The following RYR2 variants were observed in gnomAD, a reference collection of about 807,000 sequenced individuals.
The protein encoded by RYR2 is cardiac muscle ryanodine receptor-calcium release channel.
RYR2 carries 227 observed loss-of-function variants against 601.1 expected under a neutral mutation model. The ratio of observed to expected loss-of-function variants is 0.38; its 90% confidence interval spans 0.34 to 0.42. RYR2 has a LOEUF of 0.42. RYR2 is among the 10% of genes least tolerant of loss of function. The probability of loss-of-function intolerance (pLI) is 1.00; values close to 1 mark genes in which losing one functional copy is unlikely to be tolerated. For synonymous variants in RYR2, 2,223 were observed against 2,175.1 expected (o/e 1.02, Z -0.61); for missense variants, 4,646 against 6,156.5 (o/e 0.75, Z 8.21).
chr1:237,602,907 G>A (rs572149526), intron 35 of RYR2, among the ~76,000 whole-genome samples: 6 of 152,290 alleles, frequency 3.9e-5, no homozygotes, highest in African/African-American at 1.4e-4. Context: ...GCAATGAGGT[G>A]TCAATAATTT....
At chr1:237,384,306 G>T (rs1427007875) in intron 8 of RYR2, among the ~76,000 whole-genome samples, 4 of 152,168 alleles carry the variant, frequency 2.6e-5, no homozygotes, top group Non-Finnish European at 4.4e-5. Context: ...TTTTATTACT[G>T]CTGTAAACTC....
intron 100 of RYR2, among the ~76,000 whole-genome samples, chr1:237,813,598 C>T (rs961647906): frequency 6.6e-6 from 1 of 152,142 alleles, no homozygotes; most frequent in African/African-American, 2.4e-5. Flanking sequence ...ATTTCCATTA[C>T]TTTTGTTAAT....
intron 56 of RYR2, among the ~76,000 whole-genome samples, chr1:237,661,359 T>TCCCTG (rs1683774126): frequency 6.6e-6 from 1 of 151,774 alleles, no homozygotes; most frequent in South Asian, 2.1e-4. Context: ...AGTGGGGGGC[T>TCCCTG]AGGGGAGGGA....
At chr1:237,519,640 A>G (rs1335657253) in intron 24 of RYR2, among the ~76,000 whole-genome samples, 1 of 152,032 alleles carries the variant, frequency 6.6e-6, no homozygotes, top group Non-Finnish European at 1.5e-5. Flanking sequence ...CCATTGATCT[A>G]TTCATCTGTT....
intron 99 of RYR2, among the ~76,000 whole-genome samples, chr1:237,808,298 A>G (rs1368596878): frequency 6.6e-6 from 1 of 152,224 alleles, no homozygotes; most frequent in Non-Finnish European, 1.5e-5. Context: ...ATTTAAAAAT[A>G]ATTTACAGTC....
At position 237,106,166 on chromosome 1, in the gene RYR2, A is replaced by T. The variant is rs1290040806; in HGVS notation, c.48+63597A>T. Among the ~76,000 whole-genome samples the T allele has an allele frequency of 6.6e-6, 1 of 152,112 alleles. No homozygotes were observed. The highest frequency in any genetic ancestry group is 2.4e-5 in the African/African-American group (1 of 41,414). On this transcript the variant is annotated intron_variant, in intron 1 of 104. Transcript: ENST00000366574. The surrounding 1 kb of genome is among the most constrained non-coding windows in gnomAD (Gnocchi z 4.4). ...ATATGGGAGTCATTGCAATCCTTTG[A>T]GCTGAGGGGTAGCTCGTTCTGATTT...
chr1:237,474,853 G>A (rs1661227268), intron 17 of RYR2, among the ~76,000 whole-genome samples: 1 of 152,162 alleles, frequency 6.6e-6, no homozygotes, highest in Non-Finnish European at 1.5e-5. Flanking sequence ...AGTGGTCGAT[G>A]GCATGGAACT....
At chr1:237,486,751 A>G (rs1205003598) in intron 17 of RYR2, among the ~76,000 whole-genome samples, 1 of 152,180 alleles carries the variant, frequency 6.6e-6, no homozygotes, top group Non-Finnish European at 1.5e-5. Context: ...CTCATTTCAC[A>G]GAATTTATGA....
intron 24 of RYR2, among the ~76,000 whole-genome samples, chr1:237,515,551 G>A (rs1296778526): frequency 6.6e-6 from 1 of 152,032 alleles, no homozygotes; most frequent in African/African-American, 2.4e-5. Flanking sequence ...CTGATAAGGG[G>A]AGAGGTGGAA....
At chr1:237,276,066 T>A (rs1367812383) in intron 2 of RYR2, among the ~76,000 whole-genome samples, 1 of 152,206 alleles carries the variant, frequency 6.6e-6, no homozygotes, top group Non-Finnish European at 1.5e-5. Flanking sequence ...GTTATCAGAA[T>A]AAAATCTATA....
At chr1:237,484,494 T>C (rs74847205) in intron 17 of RYR2, among the ~76,000 whole-genome samples, 6,515 of 152,266 alleles carry the variant, frequency 0.043, 178 homozygotes, top group Non-Finnish European at 0.054. Context: ...GCTACCAGTC[T>C]AATTCCATTC....
intron 2 of RYR2, among the ~76,000 whole-genome samples, chr1:237,273,488 G>A (rs562390561): frequency 3.9e-5 from 6 of 152,286 alleles, no homozygotes; most frequent in African/African-American, 9.6e-5. Flanking sequence ...ACTGTGGCAC[G>A]AGGAATGGTG....
At chr1:237,588,864 C>T (rs1674829744) in intron 29 of RYR2, among the ~76,000 whole-genome samples, 1 of 149,408 alleles carries the variant, frequency 6.7e-6, no homozygotes, top group African/African-American at 2.5e-5. Flanking sequence ...AACACCCATC[C>T]CTGAAGAATA....
intron 1 of RYR2, among the ~76,000 whole-genome samples, chr1:237,140,764 TGACTTA>T (rs1198968366): frequency 1.3e-5 from 2 of 152,216 alleles, no homozygotes; most frequent in African/African-American, 4.8e-5. Flanking sequence ...CAGGTGTCTT[TGACTTA>T]CCTTGGACCA....
chr1:237,652,713 T>G (rs2148811679), intron 51 of RYR2, among the ~76,000 whole-genome samples: 1 of 152,346 alleles, frequency 6.6e-6, no homozygotes, highest in Non-Finnish European at 1.5e-5. Context: ...TGCAAAATTT[T>G]TTGATACAAA....
chr1:237,099,531 C>T (rs1048020192), intron 1 of RYR2, among the ~76,000 whole-genome samples: 13 of 152,134 alleles, frequency 8.5e-5, no homozygotes, highest in Admixed American at 8.5e-4. Flanking sequence ...AGCCACTGTA[C>T]CCAGCCTCTC....
At chr1:237,422,972 A>G in intron 11 of RYR2, 120 bp from the exon 12 acceptor site, 1 of 1,147,402 alleles carries the variant, frequency 8.7e-7, no homozygotes, top group South Asian at 1.9e-5. Flanking sequence ...CTAATATCCT[A>G]AGTTTTTTGA....
chr1:237,709,775 GC>G (rs755988631), intron 70 of RYR2, among the ~76,000 whole-genome samples: 15 of 151,968 alleles, frequency 9.9e-5, no homozygotes, highest in Non-Finnish European at 1.9e-4. Context: ...TTTTAAATTT[GC>G]CCCTAAATTT....
intron 2 of RYR2, among the ~76,000 whole-genome samples, chr1:237,302,649 G>T (rs1693475427): frequency 6.6e-6 from 1 of 152,162 alleles, no homozygotes; most frequent in African/African-American, 2.4e-5. Flanking sequence ...CAGGAACATT[G>T]TTAGGCTAAG....
Sources: gnomAD v4.1 joint callset for allele counts (sites outside exome capture counted in the v4.1 genomes callset) on GRCh38, gnomAD v4.1.1 for gene constraint, Gnocchi (gnomAD v3.1) non-coding constraint, MANE v1.5 for transcripts, NCBI Gene and HGNC (gene_info 2026-07-23, HGNC 2026-07-21) for gene names.